Variants in OCM observed in about 807,000 individuals in gnomAD.
The protein encoded by OCM is oncomodulin.
OCM carries 18 observed loss-of-function variants against 14.1 expected under a neutral mutation model. The observed-to-expected ratio is 1.28, with a 90% CI of 0.88 to 1.89. OCM has a LOEUF of 1.89. Ranked by LOEUF, OCM falls within the 40% of genes most tolerant of loss-of-function variation. The pLI is 0.00. For missense variants in OCM, 140 were observed against 137.6 expected (o/e 1.02, Z -0.09); for synonymous variants, 48 against 51.0 (o/e 0.94, Z 0.25).
chr7:5,861,501 G>T, the OCM span, among the ~76,000 whole-genome samples: 1 of 152,068 alleles, frequency 6.6e-6, no homozygotes, highest in Non-Finnish European at 1.5e-5. Flanking sequence ...CACTTCCACT[G>T]TGTTTTCCAA....
intron 3 of OCM, 104 bp from the exon 4 acceptor site, chr7:5,885,960 A>T: frequency 6.9e-7 from 1 of 1,449,554 alleles, no homozygotes; most frequent in Non-Finnish European, 9.7e-7. Context: ...TCATCTGACA[A>T]TTTTCTTTGC....
chr7:5,863,713 T>C, the OCM span, among the ~76,000 whole-genome samples: 1 of 151,980 alleles, frequency 6.6e-6, no homozygotes, highest in Non-Finnish European at 1.5e-5. Context: ...TTTGTATTTT[T>C]AGTAGAGATG....
At chr7:5,878,139 A>G (rs577052728), upstream of OCM, among the ~76,000 whole-genome samples, 6 of 151,202 alleles carry the variant, frequency 4.0e-5, no homozygotes, top group Non-Finnish European at 7.4e-5. Context: ...TAATTTTTGT[A>G]TTTTTAGTAG....
At chr7:5,859,786 C>T in the OCM span, among the ~76,000 whole-genome samples, 2 of 152,192 alleles carry the variant, frequency 1.3e-5, no homozygotes, top group Admixed American at 6.5e-5. Flanking sequence ...CAACCTCCGC[C>T]TCCCGGGTTC....
At chr7:5,865,039 G>A in the OCM span, among the ~76,000 whole-genome samples, 7 of 152,148 alleles carry the variant, frequency 4.6e-5, no homozygotes, top group Non-Finnish European at 1.0e-4. Flanking sequence ...ACAGCGGGCA[G>A]CAGCTGTAGT....
At chr7:5,862,212 C>G in the OCM span, among the ~76,000 whole-genome samples, 1 of 152,234 alleles carries the variant, frequency 6.6e-6, no homozygotes, top group Non-Finnish European at 1.5e-5. Context: ...TTCTCAGGAC[C>G]CCAAACTCAC....
upstream of OCM, among the ~76,000 whole-genome samples, chr7:5,875,387 T>C (rs140362303): frequency 6.6e-6 from 1 of 152,162 alleles, no homozygotes; most frequent in Non-Finnish European, 1.5e-5. Context: ...AGATTGCACA[T>C]AATGGAATTC....
the OCM span, among the ~76,000 whole-genome samples, chr7:5,872,683 C>G: frequency 7.9e-5 from 12 of 151,980 alleles, no homozygotes; most frequent in Non-Finnish European, 5.9e-5. Context: ...GCAGCATGCG[C>G]GTTAAGAGTC....
chr7:5,873,347 A>G, the OCM span, among the ~76,000 whole-genome samples: 1 of 152,096 alleles, frequency 6.6e-6, no homozygotes, highest in Admixed American at 6.6e-5. Flanking sequence ...ATTGCACTCC[A>G]GACTGGGCAA....
chr7:5,882,085 C>CAAAAAAAAAAAA (rs60321561), intron 1 of OCM, among the ~76,000 whole-genome samples: 1 of 45,962 alleles, frequency 2.2e-5, no homozygotes, highest in Non-Finnish European at 3.6e-5. Context: ...GACTCTGTCT[C>CAAAAAAAAAAAA]AAAAAAAAAA....
At chr7:5,869,136 A>G in the OCM span, among the ~76,000 whole-genome samples, 1 of 152,164 alleles carries the variant, frequency 6.6e-6, no homozygotes, top group African/African-American at 2.4e-5. Context: ...ACTTCATACC[A>G]TTGGTATTCT....
chr7:5,877,211 C>T (rs1405770143), upstream of OCM, among the ~76,000 whole-genome samples: 5 of 152,156 alleles, frequency 3.3e-5, no homozygotes, highest in African/African-American at 1.2e-4. Flanking sequence ...ATGCCTTAAT[C>T]CCAGCACTTT....
At chr7:5,881,180 G>C (rs10246244) in intron 1 of OCM, among the ~76,000 whole-genome samples, 4 of 151,526 alleles carry the variant, frequency 2.6e-5, no homozygotes, top group African/African-American at 7.3e-5. Flanking sequence ...TTAACCGGGC[G>C]TGGTGGTGGG....
At chr7:5,881,959 C>T (rs1781223630) in intron 1 of OCM, among the ~76,000 whole-genome samples, 2 of 151,550 alleles carry the variant, frequency 1.3e-5, no homozygotes, top group Admixed American at 1.3e-4. Context: ...TGGGGGTGCA[C>T]ACCTGTAATC....
intron 2 of OCM, among the ~76,000 whole-genome samples, chr7:5,883,332 CAGAG>C (rs1225792781): frequency 3.3e-5 from 5 of 152,118 alleles, no homozygotes; most frequent in Non-Finnish European, 5.9e-5. Context: ...GCCTGGGTGA[CAGAG>C]AGAGACTCTG....
At chr7:5,878,113 G>A (rs186236457), upstream of OCM, among the ~76,000 whole-genome samples, 1 of 151,002 alleles carries the variant, frequency 6.6e-6, no homozygotes, top group African/African-American at 2.4e-5. Flanking sequence ...TGGGATTACA[G>A]GCTACCACGC....
At chr7:5,881,132 G>A (rs936619374) in intron 1 of OCM, among the ~76,000 whole-genome samples, 182 bp downstream of exon 1, 13 of 151,562 alleles carry the variant, frequency 8.6e-5, no homozygotes, top group African/African-American at 2.9e-4. Context: ...GCCTGGCCAA[G>A]ATGGTGAAAC....
chr7:5,871,673 AT>A, the OCM span: 1 of 152,024 alleles, frequency 6.6e-6, no homozygotes, highest in African/African-American at 2.4e-5. Flanking sequence ...TGCACACTTG[AT>A]TGCATCCACT....
the OCM span, among the ~76,000 whole-genome samples, chr7:5,866,576 G>T: frequency 5.3e-5 from 8 of 152,062 alleles, no homozygotes; most frequent in Admixed American, 3.9e-4. Flanking sequence ...AAATTTCGTT[G>T]ACTTATTATA....
Sources: gnomAD v4.1 joint callset for allele counts (sites outside exome capture counted in the v4.1 genomes callset) on GRCh38, gnomAD v4.1.1 for gene constraint, MANE v1.5 for transcripts, NCBI Gene and HGNC (gene_info 2026-07-23, HGNC 2026-07-21) for gene names.